The following NEIL3 variants were observed in gnomAD, a reference collection of about 807,000 sequenced individuals.
NEIL3 encodes the protein nei like DNA glycosylase 3.
Under a neutral mutation model 57.5 loss-of-function variants are expected in NEIL3, and 48 were observed. That is an observed-to-expected ratio of 0.83 (90% confidence interval 0.66 to 1.06). NEIL3 has a LOEUF of 1.06. Among genes scored for constraint, NEIL3 ranks in the 50% least tolerant of loss-of-function variants. The pLI, the probability that NEIL3 is intolerant of heterozygous loss-of-function variation, is 0.00. For synonymous variants in NEIL3, 261 were observed against 253.2 expected (o/e 1.03, Z -0.29); for missense variants, 717 against 739.1 (o/e 0.97, Z 0.35).
chr4:177,340,759 G>C (rs1004781626), intron 5 of NEIL3, among the ~76,000 whole-genome samples: 2 of 151,940 alleles, frequency 1.3e-5, no homozygotes, highest in Non-Finnish European at 2.9e-5. Context: ...CCATATTTCT[G>C]GGCTTTTAAA....
intron 6 of NEIL3, chr4:177,342,886 T>TG (rs1196650837): frequency 6.6e-6 from 1 of 152,040 alleles, no homozygotes; most frequent in East Asian, 1.9e-4. Flanking sequence ...GATCAAATGG[T>TG]GGGGGTCATT....
chr4:177,322,597 C>G lies in NEIL3; in HGVS notation c.278+17C>G, dbSNP rs200277760. On this transcript the variant is annotated intron_variant, in intron 2 of 9. Coordinates refer to ENST00000264596, the MANE Select transcript of NEIL3 (RefSeq NM_018248.3). Reference sequence around the variant, plus strand: ...AGCTTTACGGTAAGATAAGCCTGTACGATACATCTTATCTCTCTATATTTA... The same window carrying G: ...AGCTTTACGGTAAGATAAGCCTGTAGGATACATCTTATCTCTCTATATTTA... The G allele has an allele frequency of 6.8e-6, 11 of 1,613,340 alleles. No individual in the cohort carries two copies. The highest frequency in any genetic ancestry group is 4.5e-5 in the East Asian group (2 of 44,872).
In NEIL3 at chr4:177,353,435, T is replaced by C; in HGVS notation, c.1167T>C (p.Thr389=). 2.5e-6 allele frequency: 4 copies of C among 1,613,904 alleles called. No individual in the cohort carries two copies. Among genetic ancestry groups the C allele is most frequent in the South Asian group, 1.1e-5 (1 of 91,072 alleles). The change falls in exon 8 of 10, where the codon ACT becomes ACC. Residue 389 remains threonine, a synonymous_variant. Coordinates refer to ENST00000264596, the MANE Select transcript of NEIL3 (RefSeq NM_018248.3). ...INRKTAFGTT[T]LVLTDFSNKS... The stretch of plus-strand genomic sequence containing the variant: ...GAAAAACTGCATTTGGAACTACAAC[T>C]CTTGTCTTGACTGATTTTAGCAATA...
At position 177,331,766 on chromosome 4, in the gene NEIL3, T is replaced by C. The variant is rs559306803; in HGVS notation, c.279-3922T>C. Among the ~76,000 whole-genome samples the C allele has an allele frequency of 2.0e-4, 30 of 152,312 alleles. No homozygotes were observed. The South Asian group carries it at 6.2e-3, about 32-fold the overall frequency. On this transcript the variant is annotated intron_variant, in intron 2 of 9. Coordinates refer to ENST00000264596, the MANE Select transcript of NEIL3 (RefSeq NM_018248.3). ...CTCAGAAACAGTCATGCCTCTTCTG[T>C]CAGTCATTAGTGTCAGGGATTGAGT...
In NEIL3 at chr4:177,353,444, G is replaced by A; in HGVS notation, c.1176G>A (p.Leu392=). ...KTAFGTTTLV[L]TDFSNKSSTL... Reference sequence around the variant, plus strand: ...CATTTGGAACTACAACTCTTGTCTTGACTGATTTTAGCAATAAATCCAGTA... The same window carrying A: ...CATTTGGAACTACAACTCTTGTCTTAACTGATTTTAGCAATAAATCCAGTA... Residue 392 remains leucine (L), a synonymous_variant, in exon 8 of 10, where the codon TTG becomes TTA. Coordinates refer to ENST00000264596, the MANE Select transcript of NEIL3 (RefSeq NM_018248.3). 1.2e-6 allele frequency: 2 copies of A among 1,613,812 alleles called. No homozygotes were observed. Among genetic ancestry groups the A allele is most frequent in the Non-Finnish European group, 1.7e-6 (2 of 1,179,952 alleles).
intron 1 of NEIL3, among the ~76,000 whole-genome samples, chr4:177,316,115 CTAA>C (rs746525631): frequency 8.5e-5 from 13 of 152,162 alleles, no homozygotes; most frequent in African/African-American, 2.4e-4. Context: ...ATAGCAATAA[CTAA>C]TAATAGAACA....
At chr4:177,355,713 G>C (rs1257684893) in intron 8 of NEIL3, among the ~76,000 whole-genome samples, 3 of 151,908 alleles carry the variant, frequency 2.0e-5, no homozygotes, top group African/African-American at 7.3e-5. Context: ...GGGACCATTT[G>C]GTGTAAACTC....
At chr4:177,366,663 T>C (rs934070333), downstream of NEIL3, among the ~76,000 whole-genome samples, 5 of 152,286 alleles carry the variant, frequency 3.3e-5, no homozygotes, top group African/African-American at 1.2e-4. Flanking sequence ...CCTCCCAAAG[T>C]GCTGGGATTA....
chr4:177,311,591 T>C (rs558259104), intron 1 of NEIL3, among the ~76,000 whole-genome samples: 1 of 151,270 alleles, frequency 6.6e-6, no homozygotes, highest in East Asian at 2.0e-4. Context: ...GGAGAATCGC[T>C]TGAATCCAGG....
At chr4:177,310,906 T>C (rs1041642607) in intron 1 of NEIL3, among the ~76,000 whole-genome samples, 9 of 152,250 alleles carry the variant, frequency 5.9e-5, no homozygotes, top group Non-Finnish European at 8.8e-5. Flanking sequence ...AAGAAAAAGT[T>C]GCCTGCTATG....
intron 2 of NEIL3, among the ~76,000 whole-genome samples, chr4:177,333,024 C>T (rs1244062492): frequency 6.6e-6 from 1 of 150,484 alleles, no homozygotes; most frequent in Admixed American, 6.6e-5. Context: ...AGCAGAACTC[C>T]TATTTTTTAT....
At chr4:177,341,937 GA>G (rs34469174) in intron 6 of NEIL3, among the ~76,000 whole-genome samples, 28,773 of 151,868 alleles carry the variant, frequency 0.19, 2,796 homozygotes, top group Non-Finnish European at 0.22. Flanking sequence ...TCAATAATTG[GA>G]AAAAAATGCA....
chr4:177,357,991 A>ATCAGTTAAGATGTCC (rs1218750098), intron 8 of NEIL3, among the ~76,000 whole-genome samples: 2 of 152,236 alleles, frequency 1.3e-5, no homozygotes, highest in East Asian at 1.9e-4. Context: ...TCCTCAGTTA[A>ATCAGTTAAGATGTCC]TCAGAACATT....
intron 2 of NEIL3, among the ~76,000 whole-genome samples, chr4:177,326,599 T>C (rs1734784084): frequency 6.6e-6 from 1 of 152,144 alleles, no homozygotes; most frequent in African/African-American, 2.4e-5. Flanking sequence ...GAGTTCTTTC[T>C]GGCATTTTGA....
chr4:177,365,481 C>G (rs985890796), downstream of NEIL3, among the ~76,000 whole-genome samples: 2 of 152,146 alleles, frequency 1.3e-5, no homozygotes, highest in African/African-American at 4.8e-5. Flanking sequence ...CATTTGCAAA[C>G]ATTTATTCTG....
intron 2 of NEIL3, among the ~76,000 whole-genome samples, chr4:177,323,681 C>T (rs1425398254): frequency 2.0e-5 from 3 of 152,152 alleles, no homozygotes; most frequent in Admixed American, 6.5e-5. Context: ...ATGGAAAACT[C>T]ATAGCTCTGG....
At chr4:177,310,150 G>C (rs757930562) in intron 1 of NEIL3, 41 bp downstream of exon 1, 1 of 1,500,278 alleles carries the variant, frequency 6.7e-7, no homozygotes, top group South Asian at 1.3e-5. Flanking sequence ...CAGCAGGGGG[G>C]AAATGGAATA....
chr4:177,335,655 C>T, intron 2 of NEIL3, 33 bp from the exon 3 acceptor site: 2 of 1,596,996 alleles, frequency 1.3e-6, no homozygotes, highest in Non-Finnish European at 1.7e-6. Flanking sequence ...GATATACTTT[C>T]TGCCACTCAA....
chr4:177,368,468 A>G, the NEIL3 span, among the ~76,000 whole-genome samples: 8 of 152,190 alleles, frequency 5.3e-5, no homozygotes, highest in Non-Finnish European at 8.8e-5. Context: ...CAGCACTGAT[A>G]TCTTTTCTGG....
Sources: allele counts gnomAD v4.1 joint callset (sites outside exome capture counted in the v4.1 genomes callset), GRCh38; gene constraint gnomAD v4.1.1; transcripts MANE v1.5; gene names NCBI Gene and HGNC (gene_info 2026-07-23, HGNC 2026-07-21).